PHAX: variants seen among roughly 807,000 people sequenced by gnomAD.
PHAX encodes phosphorylated adapter RNA export protein.
Under a neutral mutation model 41.6 loss-of-function variants are expected in PHAX, and 31 were observed. The observed-to-expected ratio is 0.75, with a 90% CI of 0.56 to 1.01. PHAX has a LOEUF of 1.01. Among genes scored for constraint, PHAX ranks in the 50% least tolerant of loss-of-function variants. The pLI is 0.00. For missense variants in PHAX, 453 were observed against 472.9 expected (o/e 0.96, Z 0.39); for synonymous variants, 175 against 164.9 (o/e 1.06, Z -0.47).
Position 126,603,851 on chromosome 5 carries a change from T to C in PHAX, c.378T>C (p.Asn126=), listed in dbSNP as rs1276405075. Residue 126 remains asparagine, a synonymous_variant, in exon 2 of 5, where the codon AAT becomes AAC. Coordinates refer to ENST00000297540, the MANE Select transcript of PHAX (RefSeq NM_032177.4). The part of the protein sequence containing the change: ...NIWGAVLQEQ[N]QDAVATELGI... ...GGGGTGCTGTGCTGCAGGAACAGAA[T>C]CAAGATGCAGTGGCCACTGAACTTG... is the stretch of plus-strand genomic sequence containing the variant. The C allele has an allele frequency of 2.5e-6, 4 of 1,614,028 alleles. No individual in the cohort carries two copies. In the Admixed American group the frequency reaches 5.0e-5, roughly 20 times the overall value.
chr5:126,622,103 G>A (rs1173065692), intron 4 of PHAX, among the ~76,000 whole-genome samples: 8 of 151,812 alleles, frequency 5.3e-5, no homozygotes, highest in African/African-American at 1.5e-4. Context: ...ACAGGTGCCC[G>A]CCACCACGCC....
Position 126,625,102 on chromosome 5 carries a change from G to A in PHAX, c.*258G>A, listed in dbSNP as rs1752328230. On this transcript the variant is annotated 3_prime_UTR_variant, in exon 5 of 5. Coordinates refer to ENST00000297540, the MANE Select transcript of PHAX (RefSeq NM_032177.4). ...CATGTGCTAATTATGAGTATTACTA[G>A]TTGATAATCAGTTTTGTCTAGGTCA... is the stretch of plus-strand genomic sequence containing the variant. 7.4e-6 allele frequency: 3 copies of A among 404,052 alleles called. No homozygotes were observed. Among genetic ancestry groups the A allele is most frequent in the Non-Finnish European group, 1.3e-5 (3 of 228,280 alleles). The allele number at this position is 404,052 out of a possible 1,614,324, so 25.0% of individuals were successfully genotyped here.
At chr5:126,608,772 A>G (rs913870730) in intron 3 of PHAX, among the ~76,000 whole-genome samples, 2 of 151,904 alleles carry the variant, frequency 1.3e-5, no homozygotes, top group African/African-American at 4.8e-5. Flanking sequence ...CCCTGTCTCT[A>G]CTAAAAATAC....
At position 126,603,717 on chromosome 5, in the gene PHAX, C is replaced by T. The variant is rs3734173; in HGVS notation, c.244C>T (p.Arg82Cys). ...AGATGATGATAGCTGTCTTTGGAAA[C>T]GCAAACGACAGAAATGTTTTAACCC... ...DSDDDSCLWK[R>C]KRQKCFNPPP... The change falls in exon 2 of 5, where the codon CGC becomes TGC. Residue 82 changes from arginine (R) to cysteine (C), a missense_variant. Transcript: ENST00000297540. The T allele has an allele frequency of 0.047, 75,937 of 1,614,014 alleles. 3,473 individuals are homozygous for T. The highest frequency in any genetic ancestry group is 0.28 in the East Asian group (12,772 of 44,860).
At chr5:126,618,226 C>T (rs1400369689) in intron 4 of PHAX, among the ~76,000 whole-genome samples, 5 of 152,176 alleles carry the variant, frequency 3.3e-5, no homozygotes, top group Non-Finnish European at 7.3e-5. Flanking sequence ...AGGCATGAGC[C>T]ACCACGCCTG....
Position 126,626,079 on chromosome 5 carries a change from T to A in PHAX, c.*1235T>A, listed in dbSNP as rs1463032835. On this transcript the variant is annotated 3_prime_UTR_variant, in exon 5 of 5. Transcript: ENST00000297540. The stretch of plus-strand genomic sequence containing the variant: ...ATGTGATCTCCTGTGGATTACCACA[T>A]GCATTAAAAAATTTTTCAAGCTGGG... 2 of 152,124 alleles carry A rather than the reference T, an allele frequency of 1.3e-5. No homozygotes were observed. The highest frequency in any genetic ancestry group is 2.9e-5 in the Non-Finnish European group (2 of 68,042). 9.4% of individuals were successfully genotyped at this position (152,124 alleles called of 1,614,324 possible).
Position 126,603,751 on chromosome 5 carries a change from A to G in PHAX, c.278A>G (p.Lys93Arg). 5 of 1,614,132 alleles carry G rather than the reference A, an allele frequency of 3.1e-6. No individual in the cohort carries two copies. Among genetic ancestry groups the G allele is most frequent in the Non-Finnish European group, 4.2e-6 (5 of 1,180,018 alleles). The change falls in exon 2 of 5, where the codon AAA becomes AGA. Residue 93 changes from lysine to arginine, a missense_variant. Coordinates refer to ENST00000297540, the MANE Select transcript of PHAX (RefSeq NM_032177.4). ...CAGAAATGTTTTAACCCTCCTCCCAAACCAGAGCCTTTTCAGTTTGGCCAG... is the reference window on the plus strand; with the variant it reads ...CAGAAATGTTTTAACCCTCCTCCCAGACCAGAGCCTTTTCAGTTTGGCCAG... Reference protein sequence around the residue: ...KRQKCFNPPPKPEPFQFGQSS... With the variant: ...KRQKCFNPPPRPEPFQFGQSS...
In PHAX at chr5:126,626,986, T is replaced by C. The variant is rs1752366703; in HGVS notation, c.*2142T>C. The C allele has an allele frequency of 6.6e-6, 1 of 152,144 alleles. No homozygotes were observed. The highest frequency in any genetic ancestry group is 2.4e-5 in the African/African-American group (1 of 41,432). The allele number at this position is 152,144 out of a possible 1,614,324, so 9.4% of individuals were successfully genotyped here. ...ATTTTTATTAATGAAGAAAATAAGG[T>C]AGTTTAGACATTCCAAGAGTTAACT... On this transcript the variant is annotated 3_prime_UTR_variant, in exon 5 of 5. Transcript: ENST00000297540.
At chr5:126,605,548 C>T (rs924866153) in intron 2 of PHAX, among the ~76,000 whole-genome samples, 4 of 142,506 alleles carry the variant, frequency 2.8e-5, no homozygotes, top group African/African-American at 8.5e-5. Context: ...CGCCACCACA[C>T]CCAAATAATT....
At chr5:126,611,791 GAAA>G (rs953528015) in intron 3 of PHAX, among the ~76,000 whole-genome samples, 3 of 134,790 alleles carry the variant, frequency 2.2e-5, no homozygotes, top group Non-Finnish European at 4.9e-5. Context: ...ACCCTGTCTC[GAAA>G]AAAAAAAAAA....
At chr5:126,613,588 G>A (rs1267835617) in intron 3 of PHAX, among the ~76,000 whole-genome samples, 1 of 152,044 alleles carries the variant, frequency 6.6e-6, no homozygotes, top group Non-Finnish European at 1.5e-5. Flanking sequence ...TAAGGAGGTG[G>A]GAGGATCCCT....
chr5:126,610,149 C>CT (rs1752065737), intron 3 of PHAX, among the ~76,000 whole-genome samples: 1 of 152,144 alleles, frequency 6.6e-6, no homozygotes, highest in South Asian at 2.1e-4. Context: ...TGGGGGAAGT[C>CT]TAAAAAGTTC....
Position 126,618,747 on chromosome 5 carries a change from C to T in PHAX, c.915+1414C>T, listed in dbSNP as rs572532211. Among the ~76,000 whole-genome samples the T allele has an allele frequency of 2.6e-5, 4 of 151,716 alleles. No individual in the cohort carries two copies. The East Asian group carries it at 5.8e-4, about 22-fold the overall frequency. On this transcript the variant is annotated intron_variant, in intron 4 of 4. Transcript: ENST00000297540. ...GTGTCATGATCTCGGCAACCTCTGCCTCCCGGGTTCAAGCAAGTCCCCTGC... is the reference window on the plus strand; with the variant it reads ...GTGTCATGATCTCGGCAACCTCTGCTTCCCGGGTTCAAGCAAGTCCCCTGC...
intron 1 of PHAX, among the ~76,000 whole-genome samples, chr5:126,601,765 C>G (rs1751907863): frequency 6.6e-6 from 1 of 152,172 alleles, no homozygotes; most frequent in Non-Finnish European, 1.5e-5. Context: ...CTCCCGGGTT[C>G]AAGCGATTCT....
At chr5:126,601,360 T>G (rs1751900252) in intron 1 of PHAX, among the ~76,000 whole-genome samples, 1 of 152,324 alleles carries the variant, frequency 6.6e-6, no homozygotes, top group Non-Finnish European at 1.5e-5. Context: ...TGGCGCCTCC[T>G]GGAGGCCGGC....
chr5:126,623,875 G>T (rs1309420773), intron 4 of PHAX, among the ~76,000 whole-genome samples: 1 of 152,140 alleles, frequency 6.6e-6, no homozygotes, highest in African/African-American at 2.4e-5. Context: ...GGTCCCAGAA[G>T]TGTGTCCTGC....
chr5:126,608,457 T>A lies in PHAX; in HGVS notation c.804T>A (p.Val268=). 1.2e-6 allele frequency: 2 copies of A among 1,613,974 alleles called. No individual in the cohort carries two copies. The highest frequency in any genetic ancestry group is 1.7e-6 in the Non-Finnish European group (2 of 1,179,876). The part of the protein sequence containing the change: ...AIELLMETAE[V]EQNGGLFIMN... ...AACTTCTGATGGAAACCGCTGAAGT[T>A]GAACAAAATGGTGGTCTCTTTATAA... is the stretch of plus-strand genomic sequence containing the variant. The change falls in exon 3 of 5, where the codon GTT becomes GTA. Residue 268 remains valine, a synonymous_variant. Coordinates refer to ENST00000297540, the MANE Select transcript of PHAX (RefSeq NM_032177.4).
intron 3 of PHAX, among the ~76,000 whole-genome samples, chr5:126,611,471 AAAC>A (rs1459858376): frequency 3.3e-5 from 5 of 152,180 alleles, no homozygotes; most frequent in African/African-American, 1.2e-4. Flanking sequence ...GACAGTCTAT[AAAC>A]AATAAATATA....
rs1751981306 is a variant in PHAX, at chr5:126,605,915, A to G, written c.710+1732A>G. On this transcript the variant is annotated intron_variant, in intron 2 of 4. Coordinates refer to ENST00000297540, the MANE Select transcript of PHAX (RefSeq NM_032177.4). ...TAATATTCACCCATTTCTAGTGTTAATTTTTTTAGGAAACATATCAAGTTG... is the reference window on the plus strand; with the variant it reads ...TAATATTCACCCATTTCTAGTGTTAGTTTTTTTAGGAAACATATCAAGTTG... Among the ~76,000 whole-genome samples the G allele has an allele frequency of 2.0e-5, 3 of 152,048 alleles. No individual in the cohort carries two copies. In the South Asian group the frequency reaches 6.2e-4, roughly 32 times the overall value.
Sources: gnomAD v4.1 joint callset for allele counts (sites outside exome capture counted in the v4.1 genomes callset) on GRCh38, gnomAD v4.1.1 for gene constraint, MANE v1.5 for transcripts, NCBI Gene and HGNC (gene_info 2026-07-23, HGNC 2026-07-21) for gene names.